TAFA5: variants seen among roughly 807,000 people sequenced by gnomAD.
TAFA5 encodes the protein TAFA chemokine like family member 5, also known as chemokine-like protein TAFA-5.
TAFA5 carries 6 observed loss-of-function variants against 15.3 expected under a neutral mutation model. The ratio of observed to expected loss-of-function variants is 0.39; its 90% confidence interval spans 0.21 to 0.77. The LOEUF is 0.77. Among genes scored for constraint, TAFA5 ranks in the 30% least tolerant of loss-of-function variants. The pLI is 0.41. For synonymous variants in TAFA5, 103 were observed against 80.7 expected, an observed-to-expected ratio of 1.28 and a Z score of -1.48; for missense variants, 161 against 193.1, an observed-to-expected ratio of 0.83 and a Z score of 0.98.
intron 1 of TAFA5, among the ~76,000 whole-genome samples, chr22:48,514,682 C>T (rs959164105): frequency 2.8e-4 from 42 of 152,308 alleles, no homozygotes; most frequent in African/African-American, 9.6e-4. Flanking sequence ...GGAGACCCAC[C>T]GTCCTAGACT....
At chr22:48,739,838 T>TTTGCCGTGCAC (rs1199371393) in intron 3 of TAFA5, among the ~76,000 whole-genome samples, 1 of 152,136 alleles carries the variant, frequency 6.6e-6, no homozygotes, top group Non-Finnish European at 1.5e-5. Flanking sequence ...TCCCCGTGCA[T>TTTGCCGTGCAC]TTGCCGTGCA....
chr22:48,557,059 G>A (rs1923065646), intron 1 of TAFA5, among the ~76,000 whole-genome samples: 1 of 152,226 alleles, frequency 6.6e-6, no homozygotes, highest in African/African-American at 2.4e-5. Flanking sequence ...GGCCCGCAGG[G>A]AGCGGGGAGT....
At chr22:48,746,700 G>A (rs1320351914) in intron 3 of TAFA5, among the ~76,000 whole-genome samples, 1 of 152,164 alleles carries the variant, frequency 6.6e-6, no homozygotes, top group African/African-American at 2.4e-5. Context: ...GGGAAGAGGG[G>A]TTCTAGCTTG....
rs145248525 is a variant in TAFA5 at position 48,718,083 on chromosome 22, C to T, written c.390+10239C>T. 4.3e-3 allele frequency among the ~76,000 whole-genome samples: 652 copies of T among 152,234 alleles called. 2 individuals are homozygous for T. The highest frequency in any genetic ancestry group is 6.8e-3 in the Middle Eastern group (2 of 294). On this transcript the variant is annotated intron_variant, in intron 3 of 3. Coordinates refer to ENST00000402357, the MANE Select transcript of TAFA5 (RefSeq NM_001082967.3). ...TTGCATGGCCAGGGCAGGGCTGCTG[C>T]GGACAGCAGGCCACGGGCTGAGCAG...
At position 48,742,612 on chromosome 22, in the gene TAFA5, C is replaced by T. The variant is rs921290649; in HGVS notation, c.391-7227C>T. Reference sequence around the variant, plus strand: ...GACCAGGCGACATGGTGGACCGGGCCGCATGGTGGACCAGGCAACGTGGTA... The same window carrying T: ...GACCAGGCGACATGGTGGACCGGGCTGCATGGTGGACCAGGCAACGTGGTA... On this transcript the variant is annotated intron_variant, in intron 3 of 3. Transcript: ENST00000402357. This position sits in a 1 kb window ranked among gnomAD's most constrained non-coding sequence, Gnocchi z 6.2. Among the ~76,000 whole-genome samples, 8 of 145,852 alleles carry T rather than the reference C, an allele frequency of 5.5e-5. No individual in the cohort carries two copies. Among genetic ancestry groups the T allele is most frequent in the East Asian group, 2.0e-4 (1 of 4,898 alleles).
Position 48,521,693 on chromosome 22 carries a change from C to T in TAFA5, c.112+31989C>T, listed in dbSNP as rs115564240. ...TGCGTGGCCACAGATGGACCCGATCCGTTAGGTGTAAAAGGTAAATACGGC... is the reference window on the plus strand; with the variant it reads ...TGCGTGGCCACAGATGGACCCGATCTGTTAGGTGTAAAAGGTAAATACGGC... On this transcript the variant is annotated intron_variant, in intron 1 of 3. Coordinates refer to ENST00000402357, the MANE Select transcript of TAFA5 (RefSeq NM_001082967.3). Among the ~76,000 whole-genome samples the T allele has an allele frequency of 7.8e-3, 1,185 of 152,288 alleles. 19 individuals are homozygous for T. Among genetic ancestry groups the T allele is most frequent in the African/African-American group, 0.027 (1,109 of 41,560 alleles).
chr22:48,627,388 C>T lies in TAFA5; in HGVS notation c.113-19209C>T, dbSNP rs969446928. 4.6e-5 allele frequency among the ~76,000 whole-genome samples: 7 copies of T among 152,236 alleles called. No homozygotes were observed. The South Asian group carries it at 6.2e-4, about 13-fold the overall frequency. On this transcript the variant is annotated intron_variant, in intron 1 of 3. Transcript: ENST00000402357. ...GCGGGGGAGGCAGCCCCACAGGCGC[C>T]GAGGATGGAGAAATGCGTCAGCACC...
At chr22:48,685,618 G>A (rs1383300624) in intron 2 of TAFA5, among the ~76,000 whole-genome samples, 1 of 151,960 alleles carries the variant, frequency 6.6e-6, no homozygotes, top group African/African-American at 2.4e-5. Context: ...CAAAAGGGAG[G>A]GGGCGTATTG....
chr22:48,539,055 C>G (rs1230822012), intron 1 of TAFA5: 1 of 229,894 alleles, frequency 4.3e-6, no homozygotes, highest in Non-Finnish European at 8.8e-6. Flanking sequence ...GGGGTGGGAG[C>G]CTGTGGGGTG....
At chr22:48,586,060 A>G (rs926887162) in intron 1 of TAFA5, among the ~76,000 whole-genome samples, 5 of 152,134 alleles carry the variant, frequency 3.3e-5, no homozygotes, top group African/African-American at 1.2e-4. Flanking sequence ...CCTTGTCCCC[A>G]TCCTCACCCG....
At chr22:48,524,172 G>A (rs1222910253) in intron 1 of TAFA5, among the ~76,000 whole-genome samples, 1 of 152,234 alleles carries the variant, frequency 6.6e-6, no homozygotes, top group Non-Finnish European at 1.5e-5. Flanking sequence ...GCGGCTGGCA[G>A]CCCACCGCTT....
At chr22:48,554,228 T>C (rs1489248048) in intron 1 of TAFA5, among the ~76,000 whole-genome samples, 1 of 151,802 alleles carries the variant, frequency 6.6e-6, no homozygotes, top group Non-Finnish European at 1.5e-5. Flanking sequence ...GCTTCGACTT[T>C]GAAGGTGCAG....
chr22:48,634,818 C>A (rs1243940646), intron 1 of TAFA5, among the ~76,000 whole-genome samples: 1 of 152,272 alleles, frequency 6.6e-6, no homozygotes, highest in African/African-American at 2.4e-5. Flanking sequence ...CTCACGCAAT[C>A]CTTCCTTCAT....
At chr22:48,583,242 GCA>G (rs1236065268) in intron 1 of TAFA5, among the ~76,000 whole-genome samples, 4 of 40,040 alleles carry the variant, frequency 1.0e-4, no homozygotes, top group East Asian at 8.3e-4. Flanking sequence ...ACCACACACC[GCA>G]CACACACCAC....
At chr22:48,573,575 C>T (rs1380480232) in intron 1 of TAFA5, among the ~76,000 whole-genome samples, 1 of 152,160 alleles carries the variant, frequency 6.6e-6, no homozygotes, top group Non-Finnish European at 1.5e-5. Flanking sequence ...GCTGTGATTG[C>T]TTTTAAAAGT....
chr22:48,708,464 C>T (rs1025720934), intron 3 of TAFA5, among the ~76,000 whole-genome samples: 1 of 152,204 alleles, frequency 6.6e-6, no homozygotes, highest in Non-Finnish European at 1.5e-5. Flanking sequence ...GCTTGGGGAA[C>T]GCCGGGTGGA....
intron 1 of TAFA5, among the ~76,000 whole-genome samples, chr22:48,564,158 C>T (rs993644969): frequency 1.3e-5 from 2 of 152,222 alleles, no homozygotes; most frequent in African/African-American, 4.8e-5. Flanking sequence ...GGACACATGA[C>T]CACTGTGAAA....
intron 3 of TAFA5, among the ~76,000 whole-genome samples, chr22:48,732,396 A>G (rs555612570): frequency 6.6e-6 from 1 of 152,210 alleles, no homozygotes; most frequent in African/African-American, 2.4e-5. Flanking sequence ...AGGTGGGTCT[A>G]CAGGCGCCCG....
chr22:48,526,543 C>T (rs552042340), intron 1 of TAFA5, among the ~76,000 whole-genome samples: 46 of 152,346 alleles, frequency 3.0e-4, no homozygotes, highest in African/African-American at 1.1e-3. Flanking sequence ...CTCTGCGTGC[C>T]GGCCTCACAA....
Sources: allele counts gnomAD v4.1 joint callset (sites outside exome capture counted in the v4.1 genomes callset), GRCh38; gene constraint gnomAD v4.1.1; non-coding constraint Gnocchi (gnomAD v3.1); transcripts MANE v1.5; gene names NCBI Gene and HGNC (gene_info 2026-07-23, HGNC 2026-07-21).